IER3IP1: variants seen among roughly 807,000 people sequenced by gnomAD.
IER3IP1 encodes immediate early response 3-interacting protein 1.
IER3IP1 carries 16 observed loss-of-function variants against 12.2 expected under a neutral mutation model. The observed-to-expected ratio is 1.31, with a 90% CI of 0.89 to 1.99. The LOEUF is 1.99. Ranked by LOEUF, IER3IP1 falls within the 30% of genes most tolerant of loss-of-function variation. IER3IP1 has a pLI of 0.00. For missense variants in IER3IP1, 95 were observed against 95.8 expected (o/e 0.99, Z 0.03); for synonymous variants, 42 against 40.0 (o/e 1.05, Z -0.19).
intron 1 of IER3IP1, among the ~76,000 whole-genome samples, chr18:47,158,353 G>T (rs1276382388): frequency 6.6e-6 from 1 of 151,906 alleles, no homozygotes. Context: ...TTGAGACAAG[G>T]TTTTACTCTG....
chr18:47,174,375 A>G (rs758133882), intron 1 of IER3IP1, among the ~76,000 whole-genome samples: 3 of 152,168 alleles, frequency 2.0e-5, no homozygotes, highest in Non-Finnish European at 4.4e-5. Context: ...AGCTATTATT[A>G]TTGTTGTCAT....
intron 2 of IER3IP1, chr18:47,156,925 ATAGC>A (rs2063962283): frequency 6.4e-6 from 1 of 157,106 alleles, no homozygotes; most frequent in Non-Finnish European, 1.4e-5. Context: ...AGCCTCCCAA[ATAGC>A]TAGGATTACA....
intron 1 of IER3IP1, among the ~76,000 whole-genome samples, chr18:47,175,369 C>T (rs1278168871): frequency 6.6e-6 from 1 of 152,152 alleles, no homozygotes; most frequent in Non-Finnish European, 1.5e-5. Context: ...ATTCCTAAAG[C>T]CCAGGAACAC....
rs2063956645 is a variant in IER3IP1 at position 47,155,810 on chromosome 18, TC to T, written c.*366del. 2 of 164,980 alleles carry T rather than the reference TC, an allele frequency of 1.2e-5. No individual in the cohort carries two copies. Among genetic ancestry groups the T allele is most frequent in the Admixed American group, 1.2e-4 (2 of 16,024 alleles). The allele number at this position is 164,980 out of a possible 1,614,324, so 10.2% of individuals were successfully genotyped here. ...CATCATGGCTAAGTTGCAAGGAACT[TC>T]AAAACTTTGAAAAAGAATTTCATCC... is the stretch of plus-strand genomic sequence containing the variant. On this transcript the variant is annotated 3_prime_UTR_variant, in exon 3 of 3. Coordinates refer to ENST00000256433, the MANE Select transcript of IER3IP1 (RefSeq NM_016097.5).
rs1215265362 is a variant in IER3IP1 at position 47,155,587 on chromosome 18, A to C, written c.*590T>G. 1 of 152,260 alleles carries C rather than the reference A, an allele frequency of 6.6e-6. No individual in the cohort carries two copies. The highest frequency in any genetic ancestry group is 1.5e-5 in the Non-Finnish European group (1 of 68,076). The allele number at this position is 152,260 out of a possible 1,614,324, so 9.4% of individuals were successfully genotyped here. On this transcript the variant is annotated 3_prime_UTR_variant, in exon 3 of 3. Coordinates refer to ENST00000256433, the MANE Select transcript of IER3IP1 (RefSeq NM_016097.5). ...TAAACAAAAACATAATCATCATGTG[A>C]CTGACAGAATTCTCCCTGAAATCAG... is the stretch of plus-strand genomic sequence containing the variant.
In IER3IP1 at chr18:47,176,205, C is replaced by T. The variant is rs753378978; in HGVS notation, c.73G>A (p.Glu25Lys). The change falls in exon 1 of 3, where the codon GAG (glutamate) becomes AAG (lysine). Residue 25 changes from glutamate (E) to lysine (K), a missense_variant. Transcript: ENST00000256433. ...CACTCACTGTTCTTGAGGAATCGCT[C>T]CTCGTGCAGCACTGCGATGGCGTTG... is the stretch of plus-strand genomic sequence containing the variant. ...CVNAIAVLHEERFLKNIGWGT... is the reference protein window; with the variant it reads ...CVNAIAVLHEKRFLKNIGWGT... The T allele has an allele frequency of 1.2e-6, 2 of 1,602,538 alleles. No individual in the cohort carries two copies. Among genetic ancestry groups the T allele is most frequent in the Non-Finnish European group, 1.7e-6 (2 of 1,174,918 alleles).
At chr18:47,174,888 T>C (rs2064026852) in intron 1 of IER3IP1, among the ~76,000 whole-genome samples, 1 of 152,184 alleles carries the variant, frequency 6.6e-6, no homozygotes, top group Admixed American at 6.5e-5. Flanking sequence ...ACCGAGTTAA[T>C]GTTTACTCAT....
At chr18:47,165,302 C>T (rs2063992677) in intron 1 of IER3IP1, among the ~76,000 whole-genome samples, 1 of 152,188 alleles carries the variant, frequency 6.6e-6, no homozygotes, top group Non-Finnish European at 1.5e-5. Context: ...CCTGTAATCT[C>T]AGCACTTCGG....
At chr18:47,168,776 T>C (rs1308356457) in intron 1 of IER3IP1, among the ~76,000 whole-genome samples, 1 of 152,216 alleles carries the variant, frequency 6.6e-6, no homozygotes, top group African/African-American at 2.4e-5. Context: ...ATGTGTATGA[T>C]GAGCTTTAGT....
chr18:47,161,487 C>T (rs2063979885), intron 1 of IER3IP1, among the ~76,000 whole-genome samples: 1 of 152,214 alleles, frequency 6.6e-6, no homozygotes, highest in Admixed American at 6.5e-5. Context: ...ATCTTGATGT[C>T]TCAACCCTTT....
intron 1 of IER3IP1, among the ~76,000 whole-genome samples, chr18:47,164,631 A>C (rs2063990061): frequency 6.6e-6 from 1 of 152,020 alleles, no homozygotes; most frequent in Non-Finnish European, 1.5e-5. Context: ...AAAGTTAAAA[A>C]GTTAGCCAGG....
Position 47,155,545 on chromosome 18 carries a change from G to A in IER3IP1, c.*632C>T, listed in dbSNP as rs1050838268. 6.6e-6 allele frequency: 1 copy of A among 152,138 alleles called. No individual in the cohort carries two copies. Among genetic ancestry groups the A allele is most frequent in the African/African-American group, 2.4e-5 (1 of 41,430 alleles). The allele number at this position is 152,138 out of a possible 1,614,324, so 9.4% of individuals were successfully genotyped here. A position where few individuals can be genotyped will look rare whatever the true frequency, so the allele number is the denominator to read the frequency against. On this transcript the variant is annotated 3_prime_UTR_variant, in exon 3 of 3. Transcript: ENST00000256433. ...TTCAGGCAAATTAATAAAATAACAA[G>A]TGCATGGAAAGAATGTTAAACAAAA...
intron 1 of IER3IP1, among the ~76,000 whole-genome samples, chr18:47,168,098 C>A (rs2064001991): frequency 7.5e-6 from 1 of 132,652 alleles, no homozygotes; most frequent in Non-Finnish European, 1.5e-5. Context: ...TGCACTCCAG[C>A]CTGGGTGACA....
Position 47,156,213 on chromosome 18 carries a change from GT to G in IER3IP1, c.212del (p.Asn71ThrfsTer44). ...TVMRVPLIIV[N>X]SIAIVLLLLF... ...ATAAAAGTAACACAATTGCAATTGA[GT>G]TTACTATTATCAATGGCACTGTAAA... On this transcript the variant is annotated frameshift_variant, in exon 3 of 3. Transcript: ENST00000256433. LOFTEE classifies it high-confidence loss of function. 1 of 1,565,568 alleles carries G rather than the reference GT, an allele frequency of 6.4e-7. No homozygotes were observed. Among genetic ancestry groups the G allele is most frequent in the Non-Finnish European group, 8.8e-7 (1 of 1,137,696 alleles).
At chr18:47,169,910 G>C (rs1296023778) in intron 1 of IER3IP1, among the ~76,000 whole-genome samples, 2 of 152,072 alleles carry the variant, frequency 1.3e-5, no homozygotes, top group African/African-American at 4.8e-5. Flanking sequence ...GTCTTTTAAA[G>C]CATGAACTTT....
At chr18:47,164,324 A>C (rs2144430332) in intron 1 of IER3IP1, among the ~76,000 whole-genome samples, 1 of 152,286 alleles carries the variant, frequency 6.6e-6, no homozygotes, top group East Asian at 1.9e-4. Context: ...AGAGTAAATA[A>C]TTAGTCTAGA....
At chr18:47,156,556 C>T (rs935157794) in intron 2 of IER3IP1, among the ~76,000 whole-genome samples, 3 of 152,066 alleles carry the variant, frequency 2.0e-5, no homozygotes, top group African/African-American at 7.2e-5. Context: ...AGGGTTGCCA[C>T]TGACACTTGA....
chr18:47,173,527 T>G (rs1315428852), intron 1 of IER3IP1, among the ~76,000 whole-genome samples: 1 of 152,094 alleles, frequency 6.6e-6, no homozygotes, highest in East Asian at 1.9e-4. Flanking sequence ...GTATTTTTAG[T>G]AGAGACAGGT....
At chr18:47,167,847 T>G (rs1025401867) in intron 1 of IER3IP1, among the ~76,000 whole-genome samples, 2 of 152,064 alleles carry the variant, frequency 1.3e-5, no homozygotes, top group Admixed American at 1.3e-4. Context: ...ATCCCAGTTG[T>G]GCGTGGTGGC....
Sources: gnomAD v4.1 joint callset for allele counts (sites outside exome capture counted in the v4.1 genomes callset) on GRCh38, gnomAD v4.1.1 for gene constraint, MANE v1.5 for transcripts, NCBI Gene and HGNC (gene_info 2026-07-23, HGNC 2026-07-21) for gene names.